The following CDC14B variants were observed in gnomAD, a reference collection of about 807,000 sequenced individuals.
CDC14B encodes the protein cell division cycle 14B.
CDC14B carries 22 observed loss-of-function variants against 64.2 expected under a neutral mutation model. The observed-to-expected ratio is 0.34, with a 90% CI of 0.24 to 0.49. CDC14B has a LOEUF of 0.49. Ranked by LOEUF, CDC14B falls within the 20% of genes least tolerant of loss-of-function variation. The pLI is 0.99. For missense variants in CDC14B, 498 were observed against 629.9 expected, an observed-to-expected ratio of 0.79 and a Z score of 2.24; for synonymous variants, 191 against 215.8, an observed-to-expected ratio of 0.89 and a Z score of 1.01.
chr9:96,511,843 A>G (rs1341556879), intron 12 of CDC14B, among the ~76,000 whole-genome samples: 1 of 152,230 alleles, frequency 6.6e-6, no homozygotes, highest in Non-Finnish European at 1.5e-5. Flanking sequence ...CTGTAATTCC[A>G]GCACTTTGGG....
chr9:96,587,101 A>T (rs1325208327), intron 1 of CDC14B, among the ~76,000 whole-genome samples: 1 of 151,932 alleles, frequency 6.6e-6, no homozygotes, highest in Non-Finnish European at 1.5e-5. Flanking sequence ...TGAACCCAGG[A>T]AGCGGTGGCT....
intron 1 of CDC14B, among the ~76,000 whole-genome samples, chr9:96,572,251 T>C (rs1158736797): frequency 6.6e-6 from 1 of 152,168 alleles, no homozygotes; most frequent in Non-Finnish European, 1.5e-5. Context: ...GTTTCCCCGA[T>C]TCCTCCAGCA....
chr9:96,612,472 A>G (rs1847383218), intron 1 of CDC14B, among the ~76,000 whole-genome samples: 2 of 152,168 alleles, frequency 1.3e-5, no homozygotes, highest in African/African-American at 4.8e-5. Flanking sequence ...TTCTCACAAC[A>G]AATCTGTGGC....
intron 1 of CDC14B, among the ~76,000 whole-genome samples, chr9:96,580,436 A>T (rs1176294717): frequency 6.6e-6 from 1 of 152,090 alleles, no homozygotes; most frequent in African/African-American, 2.4e-5. Context: ...TCTCCATGTT[A>T]ATCAGGCTTG....
intron 12 of CDC14B, among the ~76,000 whole-genome samples, chr9:96,511,925 C>A (rs1834957298): frequency 6.6e-6 from 1 of 152,044 alleles, no homozygotes; most frequent in Non-Finnish European, 1.5e-5. Flanking sequence ...AATTCCCACA[C>A]CAAAGAAATC....
intron 1 of CDC14B, among the ~76,000 whole-genome samples, chr9:96,606,968 A>T (rs995051990): frequency 6.6e-6 from 1 of 151,872 alleles, no homozygotes; most frequent in African/African-American, 2.4e-5. Context: ...CAGGAAATGG[A>T]GGCTGCTATG....
At chr9:96,551,685 G>A (rs1841868537) in intron 5 of CDC14B, 111 bp downstream of exon 5, 14 of 1,431,466 alleles carry the variant, frequency 9.8e-6, no homozygotes, top group South Asian at 6.3e-5. Flanking sequence ...TGTTATTTGC[G>A]CTCATCCTAA....
intron 1 of CDC14B, among the ~76,000 whole-genome samples, chr9:96,576,172 GGGGA>G (rs1163730528): frequency 6.6e-6 from 1 of 151,884 alleles, no homozygotes; most frequent in Non-Finnish European, 1.5e-5. Context: ...CCAGCTACTT[GGGGA>G]GGGTGAGGCA....
intron 1 of CDC14B, among the ~76,000 whole-genome samples, chr9:96,614,890 G>GAATGC (rs1401187414): frequency 6.6e-6 from 1 of 152,142 alleles, no homozygotes; most frequent in Admixed American, 6.5e-5. Flanking sequence ...ACCCAGGCTG[G>GAATGC]AATGCAGTGG....
chr9:96,546,271 T>C (rs1840814444), intron 5 of CDC14B, among the ~76,000 whole-genome samples: 1 of 152,104 alleles, frequency 6.6e-6, no homozygotes, highest in African/African-American at 2.4e-5. Flanking sequence ...GTAAATCTCA[T>C]AGACATTACA....
At chr9:96,567,050 A>G in intron 1 of CDC14B, 3 of 1,077,822 alleles carry the variant, frequency 2.8e-6, no homozygotes, top group Non-Finnish European at 3.8e-6. Context: ...GACGGACAGC[A>G]CCCCGCCCCA....
chr9:96,533,896 T>C (rs1387685741), intron 9 of CDC14B, 31 bp downstream of exon 9: 11 of 1,374,388 alleles, frequency 8.0e-6, no homozygotes, highest in Non-Finnish European at 1.0e-5. Flanking sequence ...TCATACTGTA[T>C]ACTATTCTTT....
In CDC14B at chr9:96,523,705, T is replaced by C. The variant is rs1174674284; in HGVS notation, c.967A>G (p.Thr323Ala). 5.0e-6 allele frequency: 8 copies of C among 1,613,100 alleles called. No homozygotes were observed. The highest frequency in any genetic ancestry group is 1.3e-5 in the African/African-American group (1 of 74,856). ...TTCATGATGTAGCAGGCTATCAGAG[T>C]GCCCGTGCGACCAAGGCCAGCTAGG... is the stretch of plus-strand genomic sequence containing the variant. ...HCKAGLGRTG[T>A]LIACYIMKHY... The change falls in exon 10 of 14, where the codon ACT becomes GCT. Residue 323 changes from threonine (T) to alanine (A), a missense_variant. Thr to Ala is a moderately conservative substitution (Grantham distance 58, BLOSUM62 0). Transcript: ENST00000375241.
chr9:96,575,890 C>A (rs1454384078), intron 1 of CDC14B, among the ~76,000 whole-genome samples: 1 of 152,106 alleles, frequency 6.6e-6, no homozygotes, highest in Non-Finnish European at 1.5e-5. Flanking sequence ...AAAAACAAAG[C>A]CTTACAGAAA....
chr9:96,616,230 G>A lies in CDC14B; in HGVS notation c.160+2989C>T, dbSNP rs867613505. 2.0e-5 allele frequency among the ~76,000 whole-genome samples: 3 copies of A among 152,186 alleles called. No homozygotes were observed. In the South Asian group the frequency reaches 6.2e-4, roughly 32 times the overall value. On this transcript the variant is annotated intron_variant, in intron 1 of 13. Coordinates refer to ENST00000375241, the MANE Select transcript of CDC14B (RefSeq NM_033331.4). The stretch of plus-strand genomic sequence containing the variant: ...AGTTCCAACTACTCAGGAAGCTGAG[G>A]CAGGAGAATTGCTTGAACCCGGGAG...
rs1476057803 is a variant in CDC14B, at chr9:96,528,731, A to C, written c.947-5006T>G. On this transcript the variant is annotated intron_variant, in intron 9 of 13. Transcript: ENST00000375241. ...CCACTAGCAGTACACAAGGCTTCTAATTTTCTCCACATCTCCACACTTGTA... is the reference window on the plus strand; with the variant it reads ...CCACTAGCAGTACACAAGGCTTCTACTTTTCTCCACATCTCCACACTTGTA... 2.0e-5 allele frequency among the ~76,000 whole-genome samples: 3 copies of C among 152,128 alleles called. No individual in the cohort carries two copies. In the East Asian group the frequency reaches 5.8e-4, roughly 29 times the overall value.
chr9:96,613,884 C>T (rs181848045), intron 1 of CDC14B, among the ~76,000 whole-genome samples: 2 of 152,252 alleles, frequency 1.3e-5, no homozygotes, highest in Admixed American at 6.5e-5. Context: ...ACATAGTAAG[C>T]ATGCAATAAA....
At position 96,564,804 on chromosome 9, in the gene CDC14B, A is replaced by G. The variant is rs138091377; in HGVS notation, c.300T>C (p.Tyr100=). 10 of 1,602,338 alleles carry G rather than the reference A, an allele frequency of 6.2e-6. No homozygotes were observed. The African/African-American group carries it at 6.7e-5, about 11-fold the overall frequency. ...GPLNLAMVYR[Y]CCKINKKLKS... ...TTAATTTCTTATTGATCTTGCAACA[A>G]TATCTGTAAACCATTGCCAGATTGA... Residue 100 remains tyrosine, a synonymous_variant, in exon 3 of 14, where the codon TAT becomes TAC. Coordinates refer to ENST00000375241, the MANE Select transcript of CDC14B (RefSeq NM_033331.4).
At chr9:96,558,791 A>C (rs933956527) in intron 4 of CDC14B, among the ~76,000 whole-genome samples, 4 of 152,246 alleles carry the variant, frequency 2.6e-5, no homozygotes, top group African/African-American at 9.6e-5. Context: ...TAGGGCAGCA[A>C]ACTTATTTTG....
Sources: allele counts gnomAD v4.1 joint callset (sites outside exome capture counted in the v4.1 genomes callset), GRCh38; gene constraint gnomAD v4.1.1; transcripts MANE v1.5; gene names NCBI Gene and HGNC (gene_info 2026-07-23, HGNC 2026-07-21).